The following TENM2 variants were observed in gnomAD, a reference collection of about 807,000 sequenced individuals.
TENM2 encodes the protein teneurin-2.
Under a neutral mutation model 245.2 loss-of-function variants are expected in TENM2, and 52 were observed. That is an observed-to-expected ratio of 0.21 (90% CI 0.17 to 0.27). The LOEUF (loss-of-function observed/expected upper bound fraction) is 0.27. Ranked by LOEUF, TENM2 falls within the 10% of genes least tolerant of loss-of-function variation. The pLI is 1.00. For synonymous variants in TENM2, 1,363 were observed against 1,438.9 expected (o/e 0.95, Z 1.19); for missense variants, 3,046 against 3,666.8 (o/e 0.83, Z 4.37).
intron 1 of TENM2, among the ~76,000 whole-genome samples, chr5:167,305,591 A>G (rs1447893404): frequency 6.6e-6 from 1 of 152,222 alleles, no homozygotes; most frequent in African/African-American, 2.4e-5. Context: ...ACATCTCAAG[A>G]GGATGATTAT....
intron 1 of TENM2, among the ~76,000 whole-genome samples, chr5:167,344,304 A>G (rs1758317490): frequency 8.8e-6 from 1 of 113,964 alleles, no homozygotes; most frequent in Non-Finnish European, 1.8e-5. Flanking sequence ...ACACACACAC[A>G]CACACATATA....
At chr5:167,379,785 C>CA (rs1026184963) in intron 2 of TENM2, among the ~76,000 whole-genome samples, 1 of 152,074 alleles carries the variant, frequency 6.6e-6, no homozygotes, top group African/African-American at 2.4e-5. Context: ...GAGGTAGCTA[C>CA]AAAAAGCATA....
intron 1 of TENM2, among the ~76,000 whole-genome samples, chr5:167,325,937 C>T (rs1391570230): frequency 6.6e-6 from 1 of 152,022 alleles, no homozygotes. Context: ...GGAGCAATGG[C>T]ATAGAGAGAG....
At chr5:168,158,922 CATAT>C (rs1057478376) in intron 12 of TENM2, among the ~76,000 whole-genome samples, 2 of 140,248 alleles carry the variant, frequency 1.4e-5, no homozygotes, top group Admixed American at 7.3e-5. Context: ...TATATATACA[CATAT>C]ATATGTATAT....
chr5:167,783,583 C>T (rs935704819), intron 2 of TENM2, among the ~76,000 whole-genome samples: 9 of 152,212 alleles, frequency 5.9e-5, no homozygotes, highest in African/African-American at 9.7e-5. Flanking sequence ...TCTTCAGCTC[C>T]GCGGATGCCA....
chr5:167,264,335 A>G, the TENM2 span, among the ~76,000 whole-genome samples: 1 of 152,224 alleles, frequency 6.6e-6, no homozygotes, highest in East Asian at 1.9e-4. Flanking sequence ...CCTGGTGGAT[A>G]TGTTCTCTGT....
intron 2 of TENM2, among the ~76,000 whole-genome samples, chr5:167,457,132 T>C (rs973536942): frequency 1.4e-4 from 22 of 152,104 alleles, no homozygotes; most frequent in Admixed American, 3.3e-4. Flanking sequence ...TCCTTTGATA[T>C]CTCTATCAGT....
chr5:167,630,729 A>C (rs1207034887), intron 2 of TENM2, among the ~76,000 whole-genome samples: 1 of 152,218 alleles, frequency 6.6e-6, no homozygotes, highest in Non-Finnish European at 1.5e-5. Context: ...TTTAAAGCCA[A>C]ACTGGATCAG....
exon 19 of TENM2, chr5:168,204,457 C>A (rs1053885382): frequency 3.7e-6 from 6 of 1,614,006 alleles, no homozygotes; most frequent in Non-Finnish European, 4.2e-6. Flanking sequence ...ATGGTCGCCG[C>A]CGGAGCATTT....
At chr5:167,237,671 G>A in the TENM2 span, among the ~76,000 whole-genome samples, 1 of 152,156 alleles carries the variant, frequency 6.6e-6, no homozygotes, top group African/African-American at 2.4e-5. Flanking sequence ...ATGAATGTCA[G>A]CAGCTTGGAG....
intron 1 of TENM2, among the ~76,000 whole-genome samples, chr5:167,337,652 G>A (rs189870914): frequency 6.6e-6 from 1 of 152,124 alleles, no homozygotes; most frequent in African/African-American, 2.4e-5. Context: ...GAAGATGAAT[G>A]GGATAACTCT....
At chr5:167,010,322 G>A in the TENM2 span, among the ~76,000 whole-genome samples, 2 of 152,182 alleles carry the variant, frequency 1.3e-5, no homozygotes, top group Non-Finnish European at 2.9e-5. Context: ...GGCAGAGGTT[G>A]CAGTGAGCTG....
At chr5:167,356,147 C>T (rs1684996385) in intron 1 of TENM2, among the ~76,000 whole-genome samples, 1 of 117,252 alleles carries the variant, frequency 8.5e-6, no homozygotes, top group Non-Finnish European at 1.6e-5. Flanking sequence ...GAGATGGGGC[C>T]ACTGCACTCC....
chr5:167,121,729 T>C, the TENM2 span, among the ~76,000 whole-genome samples: 2 of 152,220 alleles, frequency 1.3e-5, no homozygotes, highest in Non-Finnish European at 2.9e-5. Flanking sequence ...TTTCTTTTTA[T>C]AGGAAACTCC....
At chr5:168,193,283 A>T (rs1475311381) in intron 14 of TENM2, among the ~76,000 whole-genome samples, 4 of 152,244 alleles carry the variant, frequency 2.6e-5, no homozygotes, top group Non-Finnish European at 5.9e-5. Flanking sequence ...CAAATAACGA[A>T]GGACAAAGCT....
intron 2 of TENM2, among the ~76,000 whole-genome samples, chr5:167,606,122 G>A (rs1020909397): frequency 6.6e-6 from 1 of 152,166 alleles, no homozygotes; most frequent in South Asian, 2.1e-4. Flanking sequence ...GTTCATCCAC[G>A]CTGCCCTGGA....
the TENM2 span, among the ~76,000 whole-genome samples, chr5:167,171,527 G>A: frequency 2.6e-5 from 4 of 152,128 alleles, no homozygotes; most frequent in Admixed American, 2.6e-4. Flanking sequence ...GACAAGGAGT[G>A]GTGAACTACC....
intron 4 of TENM2, among the ~76,000 whole-genome samples, chr5:167,975,831 TAA>T (rs759931619): frequency 3.5e-4 from 49 of 141,456 alleles, no homozygotes; most frequent in Non-Finnish European, 2.5e-4. Flanking sequence ...ATTTGAGGGT[TAA>T]AAAAAAAAAA....
At chr5:167,514,986 G>T (rs1562018013) in intron 2 of TENM2, among the ~76,000 whole-genome samples, 1 of 152,142 alleles carries the variant, frequency 6.6e-6, no homozygotes, top group Non-Finnish European at 1.5e-5. Context: ...ACTCCAGCCT[G>T]GGTGACAGAG....
Sources: gnomAD v4.1 joint callset for allele counts (sites outside exome capture counted in the v4.1 genomes callset) on GRCh38, gnomAD v4.1.1 for gene constraint, MANE v1.5 for transcripts, NCBI Gene and HGNC (gene_info 2026-07-23, HGNC 2026-07-21) for gene names.